Variants in GNG12 observed in about 807,000 individuals in gnomAD.
GNG12 encodes the protein G protein subunit gamma 12.
For synonymous variants in GNG12, 28 were observed against 29.7 expected, an observed-to-expected ratio of 0.94 and a Z score of 0.19; for missense variants, 69 against 83.8, an observed-to-expected ratio of 0.82 and a Z score of 0.69.
intron 1 of GNG12, among the ~76,000 whole-genome samples, chr1:67,787,067 GTGTA>G (rs1427522599): frequency 3.3e-4 from 48 of 146,092 alleles, no homozygotes; most frequent in Non-Finnish European, 5.2e-4. Context: ...GTGTGTGTGT[GTGTA>G]TAGTCCCCCT....
chr1:67,726,701 A>G (rs1448749145), intron 2 of GNG12, among the ~76,000 whole-genome samples: 1 of 152,248 alleles, frequency 6.6e-6, no homozygotes, highest in Non-Finnish European at 1.5e-5. Context: ...TTAAATATCA[A>G]TTAGGAACTG....
At chr1:67,830,523 T>A (rs1208825408) in intron 1 of GNG12, among the ~76,000 whole-genome samples, 2 of 152,222 alleles carry the variant, frequency 1.3e-5, no homozygotes, top group East Asian at 3.8e-4. Context: ...CATGTTTTCA[T>A]ACTTTGATTA....
intron 1 of GNG12, among the ~76,000 whole-genome samples, chr1:67,789,705 C>G (rs1341694861): frequency 6.6e-6 from 1 of 152,222 alleles, no homozygotes; most frequent in Non-Finnish European, 1.5e-5. Context: ...CAGCCAAGGG[C>G]ACTGCCCTGA....
intron 1 of GNG12, among the ~76,000 whole-genome samples, chr1:67,782,187 T>C (rs1226009057): frequency 2.0e-5 from 3 of 152,200 alleles, no homozygotes; most frequent in Admixed American, 6.5e-5. Context: ...CTCCACAAAA[T>C]TGGGGCATAG....
intron 2 of GNG12, among the ~76,000 whole-genome samples, chr1:67,749,184 G>T (rs1646524693): frequency 1.3e-5 from 2 of 152,216 alleles, no homozygotes; most frequent in Non-Finnish European, 2.9e-5. Context: ...AACTTAGTTT[G>T]GAGGGAGACA....
chr1:67,805,030 T>A (rs980242852), intron 1 of GNG12, among the ~76,000 whole-genome samples: 1 of 152,206 alleles, frequency 6.6e-6, no homozygotes, highest in Non-Finnish European at 1.5e-5. Context: ...CTAATCTGTT[T>A]GGGTTTTATC....
chr1:67,800,268 C>T (rs1038135555), intron 1 of GNG12, among the ~76,000 whole-genome samples: 1 of 152,122 alleles, frequency 6.6e-6, no homozygotes, highest in African/African-American at 2.4e-5. Flanking sequence ...TAACGTCATC[C>T]CTGATCTCAT....
chr1:67,829,112 G>A (rs952598607), intron 1 of GNG12, among the ~76,000 whole-genome samples: 2 of 152,134 alleles, frequency 1.3e-5, no homozygotes, highest in Non-Finnish European at 2.9e-5. Flanking sequence ...GGGAAAAGCA[G>A]GTTGGGGGTG....
chr1:67,740,743 G>A (rs79334622), intron 2 of GNG12, among the ~76,000 whole-genome samples: 3,529 of 152,236 alleles, frequency 0.023, 136 homozygotes, highest in African/African-American at 0.08. Context: ...CCCTTATAAA[G>A]CAGGTTCAAG....
intron 2 of GNG12, among the ~76,000 whole-genome samples, chr1:67,765,067 C>T (rs573366532): frequency 4.6e-5 from 7 of 152,174 alleles, no homozygotes; most frequent in Non-Finnish European, 8.8e-5. Flanking sequence ...TATAAGAATA[C>T]ATAAAAATTA....
At chr1:67,724,701 A>T (rs1197727543) in intron 2 of GNG12, among the ~76,000 whole-genome samples, 1 of 152,136 alleles carries the variant, frequency 6.6e-6, no homozygotes, top group African/African-American at 2.4e-5. Flanking sequence ...AATTCTATTC[A>T]TATAAAGTTC....
intron 1 of GNG12, among the ~76,000 whole-genome samples, chr1:67,784,890 T>G (rs1646759386): frequency 6.6e-6 from 1 of 152,214 alleles, no homozygotes; most frequent in African/African-American, 2.4e-5. Flanking sequence ...AAAGTCAATT[T>G]ATATCCACGC....
chr1:67,763,962 G>A (rs551019440), intron 2 of GNG12, among the ~76,000 whole-genome samples: 1 of 152,312 alleles, frequency 6.6e-6, no homozygotes, highest in East Asian at 1.9e-4. Flanking sequence ...GTATTGCACT[G>A]CTGTTTTAGT....
At chr1:67,742,123 T>G (rs1353784112) in intron 2 of GNG12, among the ~76,000 whole-genome samples, 1 of 152,188 alleles carries the variant, frequency 6.6e-6, no homozygotes, top group Non-Finnish European at 1.5e-5. Flanking sequence ...GCTTTGCTAC[T>G]TAGAGGGGGC....
At chr1:67,739,107 A>T (rs927374116) in intron 2 of GNG12, among the ~76,000 whole-genome samples, 4 of 152,196 alleles carry the variant, frequency 2.6e-5, no homozygotes, top group Admixed American at 2.0e-4. Flanking sequence ...TGAACCTAGG[A>T]GGCGGAGGTT....
chr1:67,790,045 A>G (rs1451104442), intron 1 of GNG12, among the ~76,000 whole-genome samples: 1 of 152,240 alleles, frequency 6.6e-6, no homozygotes, highest in African/African-American at 2.4e-5. Context: ...GGACTTGCTC[A>G]TCTTTTCCTG....
chr1:67,759,659 T>C (rs1646591009), intron 2 of GNG12, among the ~76,000 whole-genome samples: 1 of 152,182 alleles, frequency 6.6e-6, no homozygotes, highest in Non-Finnish European at 1.5e-5. Context: ...AAGTGTGCAA[T>C]AAATACTAGT....
intron 2 of GNG12, among the ~76,000 whole-genome samples, chr1:67,774,193 T>C (rs1364735563): frequency 1.3e-5 from 2 of 152,158 alleles, no homozygotes; most frequent in Non-Finnish European, 2.9e-5. Flanking sequence ...ACGGAGCATG[T>C]TTTCCTTCTG....
At chr1:67,764,679 G>A (rs1400499600) in intron 2 of GNG12, among the ~76,000 whole-genome samples, 1 of 152,206 alleles carries the variant, frequency 6.6e-6, no homozygotes, top group Non-Finnish European at 1.5e-5. Context: ...ACTAACAGCT[G>A]TGTGTATATG....
Sources: gnomAD v4.1 joint callset for allele counts (sites outside exome capture counted in the v4.1 genomes callset) on GRCh38, gnomAD v4.1.1 for gene constraint, MANE v1.5 for transcripts, NCBI Gene and HGNC (gene_info 2026-07-23, HGNC 2026-07-21) for gene names.